The following ASIC2 variants were observed in gnomAD, a reference collection of about 807,000 sequenced individuals.
ASIC2 encodes the protein acid-sensing ion channel 2.
A neutral mutation model predicts 57.3 loss-of-function variants in ASIC2; 25 were observed. The observed-to-expected ratio is 0.44, with a 90% CI of 0.32 to 0.61. The LOEUF (loss-of-function observed/expected upper bound fraction) is 0.61, where lower values mean the gene tolerates loss of function less well. ASIC2 is among the 20% of genes least tolerant of loss of function. ASIC2 has a pLI of 0.06. For synonymous variants in ASIC2, 319 were observed against 307.5 expected (o/e 1.04, Z -0.39); for missense variants, 641 against 738.1 (o/e 0.87, Z 1.52).
intron 1 of ASIC2, among the ~76,000 whole-genome samples, chr17:33,722,062 G>T (rs1204653831): frequency 6.6e-6 from 1 of 152,214 alleles, no homozygotes; most frequent in Non-Finnish European, 1.5e-5. Flanking sequence ...GTTTGGCTCT[G>T]TGTCCCGACC....
At chr17:33,338,323 T>G (rs1260770807) in intron 1 of ASIC2, among the ~76,000 whole-genome samples, 1 of 151,798 alleles carries the variant, frequency 6.6e-6, no homozygotes, top group Non-Finnish European at 1.5e-5. Context: ...TCCATTGGCC[T>G]CTCATGGAGT....
At chr17:33,723,509 A>G (rs907858720) in intron 1 of ASIC2, among the ~76,000 whole-genome samples, 1 of 151,958 alleles carries the variant, frequency 6.6e-6, no homozygotes, top group African/African-American at 2.4e-5. Flanking sequence ...TTGCATTTCT[A>G]TTAGAGATAT....
At chr17:33,906,812 G>C (rs1007160639) in intron 1 of ASIC2, among the ~76,000 whole-genome samples, 1 of 152,156 alleles carries the variant, frequency 6.6e-6, no homozygotes, top group Non-Finnish European at 1.5e-5. Context: ...GGATCTTAAC[G>C]AGGAGGCTGA....
rs573472969 is a variant in ASIC2, at chr17:33,979,267, G to A, written c.555+176711C>T. On this transcript the variant is annotated intron_variant, in intron 1 of 9. Coordinates refer to the ASIC2 transcript ENST00000359872. ...CCATTCACACTACCTGCCTCTATCC[G>A]TCCTTCCTTCCTGCATGAGACCTGG... 7.9e-5 allele frequency among the ~76,000 whole-genome samples: 12 copies of A among 152,230 alleles called. No individual in the cohort carries two copies. In the South Asian group the frequency reaches 1.0e-3, roughly 13 times the overall value.
chr17:33,996,195 GTTAT>G (rs1486422887), intron 1 of ASIC2, among the ~76,000 whole-genome samples: 4 of 152,078 alleles, frequency 2.6e-5, no homozygotes, highest in African/African-American at 9.6e-5. Context: ...TTTTAATCAG[GTTAT>G]TTGTTTTCTT....
chr17:33,813,730 C>G (rs565109944), intron 1 of ASIC2, among the ~76,000 whole-genome samples: 1 of 152,384 alleles, frequency 6.6e-6, no homozygotes, highest in South Asian at 2.1e-4. Context: ...GCCACTGCGC[C>G]CGGCCTAAAG....
intron 1 of ASIC2, among the ~76,000 whole-genome samples, chr17:33,194,127 C>T (rs1906535077): frequency 6.6e-6 from 1 of 152,184 alleles, no homozygotes; most frequent in Admixed American, 6.5e-5. Context: ...ATTCTAGGTG[C>T]CAGTCCCATC....
intron 1 of ASIC2, among the ~76,000 whole-genome samples, chr17:33,842,411 T>C (rs573880543): frequency 1.8e-4 from 27 of 152,298 alleles, no homozygotes; most frequent in African/African-American, 6.0e-4. Flanking sequence ...AAGGGTATGC[T>C]TAAGGTATTC....
At chr17:33,845,395 G>T (rs546004045) in intron 1 of ASIC2, among the ~76,000 whole-genome samples, 1 of 152,218 alleles carries the variant, frequency 6.6e-6, no homozygotes, top group African/African-American at 2.4e-5. Flanking sequence ...TGAGTGAAGG[G>T]TGCACCTGTA....
chr17:33,517,487 G>A (rs1239534961), intron 1 of ASIC2, among the ~76,000 whole-genome samples: 1 of 152,222 alleles, frequency 6.6e-6, no homozygotes, highest in African/African-American at 2.4e-5. Context: ...CAGGAGTTGG[G>A]AGTAGCCTAG....
intron 1 of ASIC2, chr17:33,816,693 T>G (rs1597887980): frequency 6.6e-6 from 1 of 152,116 alleles, no homozygotes; most frequent in South Asian, 2.1e-4. Context: ...TGTCCCCTAC[T>G]CACCAGCCAC....
chr17:34,089,165 A>C (rs904244089), intron 1 of ASIC2, among the ~76,000 whole-genome samples: 6 of 152,168 alleles, frequency 3.9e-5, no homozygotes, highest in Admixed American at 2.6e-4. Context: ...AGCTGTTCCT[A>C]TTCCGCCATC....
chr17:33,976,129 C>G (rs568596667), intron 1 of ASIC2, among the ~76,000 whole-genome samples: 6 of 148,226 alleles, frequency 4.0e-5, no homozygotes, highest in Admixed American at 4.0e-4. Context: ...ATATTAATAC[C>G]CCATTTACAG....
Position 33,292,133 on chromosome 17 carries a change from G to A in ASIC2, c.-18C>T, listed in dbSNP as rs1473333108. ...CGGCTCATTCATTCAGCCCGCGGCT[G>A]GCGGCAGCGGCGGCGGCCCCGGCCG... is the stretch of plus-strand genomic sequence containing the variant. On this transcript the variant is annotated 5_prime_UTR_variant, in exon 1 of 10. The change creates a premature stop within an existing upstream ORF in the 5' untranslated region. Transcript: ENST00000225823. 5.8e-6 allele frequency: 6 copies of A among 1,034,236 alleles called. No homozygotes were observed. In the East Asian group the frequency reaches 4.2e-4, roughly 73 times the overall value. 64.1% of individuals were successfully genotyped at this position (1,034,236 alleles called of 1,614,324 possible).
At chr17:33,023,625 A>G (rs930044224) in intron 6 of ASIC2, among the ~76,000 whole-genome samples, 20 of 152,044 alleles carry the variant, frequency 1.3e-4, no homozygotes, top group African/African-American at 4.8e-4. Flanking sequence ...TATACCATTC[A>G]GTGTGTGCTT....
chr17:33,919,034 C>T (rs1915650818), intron 1 of ASIC2, among the ~76,000 whole-genome samples: 2 of 152,112 alleles, frequency 1.3e-5, no homozygotes, highest in South Asian at 2.1e-4. Context: ...TGCCATGATC[C>T]CCACCTGCCC....
At chr17:33,159,316 G>A (rs1190100561) in intron 1 of ASIC2, among the ~76,000 whole-genome samples, 4 of 151,792 alleles carry the variant, frequency 2.6e-5, no homozygotes, top group South Asian at 2.1e-4. Flanking sequence ...CCCCAAAATC[G>A]TCTGCCTGTA....
intron 1 of ASIC2, among the ~76,000 whole-genome samples, chr17:33,390,840 A>G (rs962328921): frequency 6.6e-6 from 1 of 152,204 alleles, no homozygotes; most frequent in Non-Finnish European, 1.5e-5. Flanking sequence ...CTCAGAGGTA[A>G]TATCTATCAC....
intron 1 of ASIC2, among the ~76,000 whole-genome samples, chr17:34,049,255 T>A (rs1301303656): frequency 6.6e-6 from 1 of 152,138 alleles, no homozygotes; most frequent in Non-Finnish European, 1.5e-5. Context: ...ATTGTGTCAC[T>A]GCACTCCTCC....
Sources: allele counts gnomAD v4.1 joint callset (sites outside exome capture counted in the v4.1 genomes callset), GRCh38; gene constraint gnomAD v4.1.1; transcripts MANE v1.5; gene names NCBI Gene and HGNC (gene_info 2026-07-23, HGNC 2026-07-21).